RHPN2: variants seen among roughly 807,000 people sequenced by gnomAD.
RHPN2 encodes rhophilin-2.
RHPN2 carries 40 observed loss-of-function variants against 79.0 expected under a neutral mutation model. The observed-to-expected ratio is 0.51, with a 90% confidence interval of 0.39 to 0.66. The LOEUF is 0.66. Among genes scored for constraint, RHPN2 ranks in the 30% least tolerant of loss-of-function variants. The probability of loss-of-function intolerance (pLI) is 0.00; values close to 1 mark genes in which losing one functional copy is unlikely to be tolerated. For missense variants in RHPN2, 686 were observed against 883.5 expected (o/e 0.78, Z 2.83); for synonymous variants, 285 against 363.5 (o/e 0.78, Z 2.46).
intron 4 of RHPN2, among the ~76,000 whole-genome samples, chr19:33,012,944 C>T (rs977781566): frequency 3.3e-5 from 5 of 152,020 alleles, no homozygotes; most frequent in Admixed American, 2.6e-4. Flanking sequence ...GGCACAATCT[C>T]GGCTCACTGC....
At chr19:33,006,253 G>A (rs1694649866) in intron 7 of RHPN2, among the ~76,000 whole-genome samples, 1 of 152,040 alleles carries the variant, frequency 6.6e-6, no homozygotes, top group African/African-American at 2.4e-5. Context: ...CTAGAGTACA[G>A]TGGTGCAATC....
chr19:33,049,451 C>T lies in RHPN2; in HGVS notation c.70-5087G>A, dbSNP rs116034598. Among the ~76,000 whole-genome samples the T allele has an allele frequency of 7.0e-3, 1,064 of 152,312 alleles. 11 individuals are homozygous for T. The highest frequency in any genetic ancestry group is 0.025 in the African/African-American group (1,030 of 41,572). ...GTTCTCAACAGAACACAAAGCCGCTCTGAGACTGGAGTGAGGGTTTGCACC... is the reference window on the plus strand; with the variant it reads ...GTTCTCAACAGAACACAAAGCCGCTTTGAGACTGGAGTGAGGGTTTGCACC... On this transcript the variant is annotated intron_variant, in intron 1 of 14. Coordinates refer to ENST00000254260, the MANE Select transcript of RHPN2 (RefSeq NM_033103.5).
intron 10 of RHPN2, among the ~76,000 whole-genome samples, chr19:32,998,525 TAGTCCCAGCTACTCAGG>T (rs953364476): frequency 1.3e-4 from 20 of 151,980 alleles, no homozygotes; most frequent in African/African-American, 4.8e-4. Context: ...TGCATGCCTG[TAGTCCCAGCTACTCAGG>T]AGGCTGAGGC....
intron 10 of RHPN2, among the ~76,000 whole-genome samples, chr19:32,996,834 T>C (rs1971706023): frequency 6.6e-6 from 1 of 152,126 alleles, no homozygotes; most frequent in South Asian, 2.1e-4. Context: ...TCTCAAAGTG[T>C]GGCATTTCTC....
At chr19:33,001,920 C>A (rs923797186) in intron 9 of RHPN2, among the ~76,000 whole-genome samples, 3 of 152,180 alleles carry the variant, frequency 2.0e-5, no homozygotes, top group African/African-American at 7.2e-5. Flanking sequence ...AATTTTGATT[C>A]TTTTAAAATA....
intron 1 of RHPN2, among the ~76,000 whole-genome samples, chr19:33,063,938 G>C (rs565564467): frequency 6.6e-6 from 1 of 152,218 alleles, no homozygotes; most frequent in South Asian, 2.1e-4. Flanking sequence ...ACGCCCTCCT[G>C]GACGACCCGG....
In RHPN2 at chr19:32,990,553, C is replaced by A; in HGVS notation, c.1761G>T (p.Glu587Asp). ...AGTCCAGGAGGCTCACGACTTTCATCTCGATCTCGTCCTCGCCAAAGCTCT... is the reference window on the plus strand; with the variant it reads ...AGTCCAGGAGGCTCACGACTTTCATATCGATCTCGTCCTCGCCAAAGCTCT... ...LLKSFGEDEI[E>D]MKVVSLLDST... The change falls in exon 14 of 15, where the codon GAG becomes GAT. Residue 587 changes from glutamate to aspartate, a missense_variant. Transcript: ENST00000254260. 2.5e-6 allele frequency: 4 copies of A among 1,613,940 alleles called. No individual in the cohort carries two copies. Among genetic ancestry groups the A allele is most frequent in the South Asian group, 1.1e-5 (1 of 91,070 alleles).
intron 7 of RHPN2, among the ~76,000 whole-genome samples, chr19:33,007,029 C>G (rs1971796977): frequency 7.0e-6 from 1 of 141,910 alleles, no homozygotes; most frequent in Admixed American, 7.1e-5. Context: ...GTGACAAGAG[C>G]AAGACTCTAT....
intron 11 of RHPN2, among the ~76,000 whole-genome samples, chr19:32,994,840 A>G (rs4805842): frequency 1.6e-4 from 24 of 148,670 alleles, no homozygotes; most frequent in African/African-American, 2.2e-4. Context: ...GCATGCGCCT[A>G]TAGTCCCAGC....
chr19:33,012,864 T>C, intron 4 of RHPN2, 140 bp from the exon 5 acceptor site: 1 of 644,348 alleles, frequency 1.6e-6, no homozygotes. Context: ...AGTGGGGGAA[T>C]TTATTTTCTT....
chr19:32,990,167 G>GAAAGAAAGAAAA, intron 14 of RHPN2, among the ~76,000 whole-genome samples: 1 of 144,782 alleles, frequency 6.9e-6, no homozygotes, highest in Non-Finnish European at 1.5e-5. Flanking sequence ...GAAAGAAAGA[G>GAAAGAAAGAAAA]CGAGCCAGGG....
chr19:33,064,756 C>CG, intron 1 of RHPN2, 28 bp downstream of exon 1: 15 of 549,368 alleles, frequency 2.7e-5, no homozygotes, highest in Non-Finnish European at 4.5e-5. Flanking sequence ...GCCCGCAGGT[C>CG]CCCGCCCGCC....
At chr19:33,039,086 T>C (rs1023430470) in intron 2 of RHPN2, among the ~76,000 whole-genome samples, 1 of 152,168 alleles carries the variant, frequency 6.6e-6, no homozygotes, top group Non-Finnish European at 1.5e-5. Flanking sequence ...CACATTGACA[T>C]AGTGACTTGC....
chr19:33,010,618 CGT>C (rs1482924242), intron 6 of RHPN2, among the ~76,000 whole-genome samples: 1 of 151,864 alleles, frequency 6.6e-6, no homozygotes, highest in Non-Finnish European at 1.5e-5. Flanking sequence ...CTCCTGACCT[CGT>C]GATCTGCCTG....
At chr19:33,000,624 C>T (rs1036919850) in intron 9 of RHPN2, among the ~76,000 whole-genome samples, 13 of 152,112 alleles carry the variant, frequency 8.5e-5, no homozygotes, top group Admixed American at 3.3e-4. Flanking sequence ...CACCCCTCTG[C>T]GGGCCTGCAC....
intron 14 of RHPN2, among the ~76,000 whole-genome samples, chr19:32,988,220 AAAAC>A (rs1043764748): frequency 4.9e-5 from 7 of 144,310 alleles, no homozygotes; most frequent in East Asian, 2.0e-4. Flanking sequence ...AACAAAAAAA[AAAAC>A]AAAACAAACA....
chr19:32,998,301 T>C (rs1971719255), intron 10 of RHPN2, among the ~76,000 whole-genome samples: 1 of 152,134 alleles, frequency 6.6e-6, no homozygotes. Context: ...TGAGATATGT[T>C]TTCTAAGTAC....
chr19:33,011,002 AC>A (rs1385315284), intron 6 of RHPN2, among the ~76,000 whole-genome samples: 5 of 152,176 alleles, frequency 3.3e-5, no homozygotes, highest in African/African-American at 1.2e-4. Context: ...TTTAAACTAT[AC>A]TAACCTTTGA....
Position 33,008,132 on chromosome 19 carries a change from C to T in RHPN2, c.642G>A (p.Leu214=), listed in dbSNP as rs1971808382. 1.2e-6 allele frequency: 2 copies of T among 1,614,124 alleles called. No individual in the cohort carries two copies. The highest frequency in any genetic ancestry group is 1.1e-5 in the South Asian group (1 of 91,082). The change falls in exon 7 of 15, where the codon CTG becomes CTA. Residue 214 remains leucine (L), a synonymous_variant. Coordinates refer to ENST00000254260, the MANE Select transcript of RHPN2 (RefSeq NM_033103.5). ...GVPVSQQNLL[L]EKASVLFNTG... is the part of the protein sequence containing the mutation. ...TGTTGAACAGGACACTGGCCTTCTCCAGCAGCAGGTTCTGCTGGCTGACCG... is the reference window on the plus strand; with the variant it reads ...TGTTGAACAGGACACTGGCCTTCTCTAGCAGCAGGTTCTGCTGGCTGACCG...
Sources: gnomAD v4.1 joint callset for allele counts (sites outside exome capture counted in the v4.1 genomes callset) on GRCh38, gnomAD v4.1.1 for gene constraint, MANE v1.5 for transcripts, NCBI Gene and HGNC (gene_info 2026-07-23, HGNC 2026-07-21) for gene names.